EFNA5: variants seen among roughly 807,000 people sequenced by gnomAD.
EFNA5 encodes the protein ephrin A5, also known as ephrin-A5.
A neutral mutation model predicts 22.9 loss-of-function variants in EFNA5; 5 were observed. That is an observed-to-expected ratio of 0.22 (90% confidence interval 0.11 to 0.46). The LOEUF (loss-of-function observed/expected upper bound fraction) is 0.46, where lower values mean the gene tolerates loss of function less well. Ranked by LOEUF, EFNA5 falls within the 20% of genes least tolerant of loss-of-function variation. The probability of loss-of-function intolerance (pLI) is 0.99; values close to 1 mark genes in which losing one functional copy is unlikely to be tolerated. For missense variants in EFNA5, 237 were observed against 293.3 expected (o/e 0.81, Z 1.40); for synonymous variants, 113 against 112.2 (o/e 1.01, Z -0.04).
At chr5:107,453,791 C>A (rs1482694726) in intron 1 of EFNA5, among the ~76,000 whole-genome samples, 1 of 152,118 alleles carries the variant, frequency 6.6e-6, no homozygotes, top group Non-Finnish European at 1.5e-5. Context: ...TGATATGATT[C>A]AAGAGTGCTC....
intron 2 of EFNA5, among the ~76,000 whole-genome samples, chr5:107,408,143 C>T (rs1748269800): frequency 6.6e-6 from 1 of 151,904 alleles, no homozygotes; most frequent in African/African-American, 2.4e-5. Context: ...ACAGCTACTA[C>T]CACAATGTGC....
intron 2 of EFNA5, among the ~76,000 whole-genome samples, chr5:107,392,433 C>G (rs1379701735): frequency 6.6e-6 from 1 of 152,168 alleles, no homozygotes; most frequent in Non-Finnish European, 1.5e-5. Context: ...CAGAGACTTC[C>G]AGCCAAGAGG....
At chr5:107,508,559 T>C (rs554022758) in intron 1 of EFNA5, among the ~76,000 whole-genome samples, 244 of 152,336 alleles carry the variant, frequency 1.6e-3, no homozygotes, top group Non-Finnish European at 2.6e-3. Context: ...ATTTTCATAA[T>C]AACTTCAGGG....
intron 1 of EFNA5, among the ~76,000 whole-genome samples, chr5:107,608,459 T>C (rs1749764488): frequency 6.6e-6 from 1 of 152,256 alleles, no homozygotes; most frequent in African/African-American, 2.4e-5. Flanking sequence ...TTCTTGTTCA[T>C]GCAGACACTT....
Position 107,465,233 on chromosome 5 carries a change from G to A in EFNA5, c.126-37724C>T, listed in dbSNP as rs1026831924. Among the ~76,000 whole-genome samples the A allele has an allele frequency of 2.0e-5, 3 of 152,208 alleles. No individual in the cohort carries two copies. In the South Asian group the frequency reaches 6.2e-4, roughly 32 times the overall value. On this transcript the variant is annotated intron_variant, in intron 1 of 4. Transcript: ENST00000333274. ...CCTTCACTTCTTTCCAAGGCCCTGCGAAGGCCGTCTTTTCTTGCATACTGG... is the reference window on the plus strand; with the variant it reads ...CCTTCACTTCTTTCCAAGGCCCTGCAAAGGCCGTCTTTTCTTGCATACTGG...
At chr5:107,592,317 A>G (rs191077282) in intron 1 of EFNA5, among the ~76,000 whole-genome samples, 3 of 151,664 alleles carry the variant, frequency 2.0e-5, no homozygotes, top group East Asian at 3.9e-4. Flanking sequence ...AATTATACCA[A>G]TGATCAATCT....
chr5:107,618,923 T>C lies in EFNA5; in HGVS notation c.125+51566A>G, dbSNP rs545426718. 4.2e-5 allele frequency among the ~76,000 whole-genome samples: 6 copies of C among 144,360 alleles called. No individual in the cohort carries two copies. The East Asian group carries it at 9.9e-4, about 24-fold the overall frequency. The allele number at this position is 144,360 out of a possible 152,430, so 94.7% of individuals were successfully genotyped here. A position where few individuals can be genotyped will look rare whatever the true frequency, so the allele number is the denominator to read the frequency against. On this transcript the variant is annotated intron_variant, in intron 1 of 4. Transcript: ENST00000333274. ...ATGTGCCTATGCCAGTTGTGTACTC[T>C]TTTTTTTTTTTATTTTGAGACGGAG...
At chr5:107,447,441 A>G (rs1040125951) in intron 1 of EFNA5, among the ~76,000 whole-genome samples, 2 of 152,194 alleles carry the variant, frequency 1.3e-5, no homozygotes, top group South Asian at 4.1e-4. Flanking sequence ...AAGTATATTG[A>G]TAGCCTCCTG....
intron 1 of EFNA5, among the ~76,000 whole-genome samples, chr5:107,481,027 C>A (rs756440527): frequency 6.6e-6 from 1 of 152,170 alleles, no homozygotes; most frequent in Non-Finnish European, 1.5e-5. Flanking sequence ...CATAAATTTA[C>A]TGAGCTCCTA....
rs868667567 is a variant in EFNA5, at chr5:107,586,137, T to C, written c.125+84352A>G. On this transcript the variant is annotated intron_variant, in intron 1 of 4. Transcript: ENST00000333274. The stretch of plus-strand genomic sequence containing the variant: ...GTTTCTGAATTCTTTGGTCAACTCA[T>C]GGGATTGCTCGAATTCAGTTATTTT... Among the ~76,000 whole-genome samples, 3 of 152,194 alleles carry C rather than the reference T, an allele frequency of 2.0e-5. 1 individual carries two copies. Among genetic ancestry groups the C allele is most frequent in the African/African-American group, 7.2e-5 (3 of 41,454 alleles).
At chr5:107,410,022 CTTTTTTTT>C (rs70996956) in intron 2 of EFNA5, among the ~76,000 whole-genome samples, 4 of 88,002 alleles carry the variant, frequency 4.5e-5, no homozygotes, top group African/African-American at 8.7e-5. Flanking sequence ...TGACATGATT[CTTTTTTTT>C]TTTTTTTTTT....
chr5:107,637,658 T>C (rs1430964948), intron 1 of EFNA5, among the ~76,000 whole-genome samples: 4 of 149,504 alleles, frequency 2.7e-5, no homozygotes, highest in Non-Finnish European at 5.9e-5. Context: ...TATATATACA[T>C]AAACTGATTA....
intron 2 of EFNA5, among the ~76,000 whole-genome samples, chr5:107,400,604 T>C (rs1748058188): frequency 6.6e-6 from 1 of 152,256 alleles, no homozygotes; most frequent in Non-Finnish European, 1.5e-5. Context: ...TATATCACAG[T>C]GTTTCTAAAA....
At chr5:107,552,178 T>C (rs2112469390) in intron 1 of EFNA5, among the ~76,000 whole-genome samples, 1 of 152,294 alleles carries the variant, frequency 6.6e-6, no homozygotes, top group East Asian at 1.9e-4. Context: ...TCTCATTACC[T>C]CTGGGAACTT....
At chr5:107,571,846 G>C (rs1356042062) in intron 1 of EFNA5, among the ~76,000 whole-genome samples, 1 of 152,070 alleles carries the variant, frequency 6.6e-6, no homozygotes, top group Non-Finnish European at 1.5e-5. Context: ...ACAGCAAAAT[G>C]CTCAATGAAC....
chr5:107,505,553 C>T (rs575355698), intron 1 of EFNA5, among the ~76,000 whole-genome samples: 9 of 152,266 alleles, frequency 5.9e-5, no homozygotes, highest in African/African-American at 1.9e-4. Context: ...CACTGATACA[C>T]ACACATACAC....
chr5:107,543,425 G>C (rs916709366), intron 1 of EFNA5, among the ~76,000 whole-genome samples: 1 of 152,028 alleles, frequency 6.6e-6, no homozygotes, highest in Non-Finnish European at 1.5e-5. Flanking sequence ...TCTTTCTCAT[G>C]GCTGGATGGA....
intron 1 of EFNA5, among the ~76,000 whole-genome samples, chr5:107,450,130 C>G (rs146920079): frequency 3.0e-4 from 45 of 152,218 alleles, no homozygotes; most frequent in Admixed American, 2.7e-3. Context: ...TTATATGCCT[C>G]GACTTCCACA....
chr5:107,473,980 A>G (rs1750213814), intron 1 of EFNA5, among the ~76,000 whole-genome samples: 2 of 152,130 alleles, frequency 1.3e-5, no homozygotes, highest in Admixed American at 6.6e-5. Flanking sequence ...TAACATCCAC[A>G]TAGCAAATAC....
Sources: gnomAD v4.1 joint callset for allele counts (sites outside exome capture counted in the v4.1 genomes callset) on GRCh38, gnomAD v4.1.1 for gene constraint, MANE v1.5 for transcripts, NCBI Gene and HGNC (gene_info 2026-07-23, HGNC 2026-07-21) for gene names.